The following PSMA8 variants were observed in gnomAD, a reference collection of about 807,000 sequenced individuals.
PSMA8 encodes proteasome 20S subunit alpha 8.
In PSMA8, 18 loss-of-function variants were observed where a neutral mutation model predicts 32.4. The observed-to-expected ratio is 0.56, with a 90% CI of 0.38 to 0.82. PSMA8 has a LOEUF of 0.82. Among genes scored for constraint, PSMA8 ranks in the 40% least tolerant of loss-of-function variants. The pLI is 0.00. For missense variants in PSMA8, 298 were observed against 300.7 expected (o/e 0.99, Z 0.07); for synonymous variants, 104 against 98.1 (o/e 1.06, Z -0.36).
intron 3 of PSMA8, 26 bp from the exon 4 acceptor site, chr18:26,158,096 T>A (rs2055104832): frequency 6.6e-7 from 1 of 1,505,092 alleles, no homozygotes; most frequent in South Asian, 1.2e-5. Flanking sequence ...ATAGTTTTAT[T>A]CTAAAAATAC....
At chr18:26,171,778 G>A (rs942333111) in intron 4 of PSMA8, among the ~76,000 whole-genome samples, 1 of 152,128 alleles carries the variant, frequency 6.6e-6, no homozygotes, top group African/African-American at 2.4e-5. Flanking sequence ...TATTGGGTCT[G>A]GAATTTGATT....
At chr18:26,157,446 G>C (rs1032896397) in intron 3 of PSMA8, among the ~76,000 whole-genome samples, 2 of 151,534 alleles carry the variant, frequency 1.3e-5, no homozygotes, top group Non-Finnish European at 2.9e-5. Context: ...TTCTTTGCAC[G>C]ACTTTTGGGG....
intron 3 of PSMA8, among the ~76,000 whole-genome samples, chr18:26,157,637 G>T (rs1024343109): frequency 1.3e-5 from 2 of 151,990 alleles, no homozygotes; most frequent in African/African-American, 4.8e-5. Context: ...GTTTTACTTG[G>T]GTTTTTAATT....
chr18:26,191,525 C>T (rs2055402396), intron 6 of PSMA8, among the ~76,000 whole-genome samples: 1 of 151,848 alleles, frequency 6.6e-6, no homozygotes, highest in South Asian at 2.1e-4. Flanking sequence ...GTAGCACACA[C>T]CTGTAGTCCC....
chr18:26,189,977 GA>G (rs1387701613), intron 6 of PSMA8, among the ~76,000 whole-genome samples: 1 of 152,152 alleles, frequency 6.6e-6, no homozygotes, highest in African/African-American at 2.4e-5. Context: ...AAAAAATAAT[GA>G]GATACTGTCA....
At position 26,152,002 on chromosome 18, in the gene PSMA8, T is replaced by C. The variant is rs368906472; in HGVS notation, c.354+20T>C. On this transcript the variant is annotated intron_variant, in intron 3 of 6. Coordinates refer to ENST00000415576, the MANE Select transcript of PSMA8 (RefSeq NM_001025096.2). ...AAGCAGGTAAGCTAATATTCTAACA[T>C]ACTTTGTTAAGCTTTCTCCTTTTTC... The C allele has an allele frequency of 1.4e-5, 22 of 1,581,186 alleles. No homozygotes were observed. The highest frequency in any genetic ancestry group is 1.9e-5 in the Non-Finnish European group (22 of 1,167,342).
At chr18:26,137,610 T>G (rs2054923241) in intron 1 of PSMA8, among the ~76,000 whole-genome samples, 1 of 152,242 alleles carries the variant, frequency 6.6e-6, no homozygotes, top group South Asian at 2.1e-4. Context: ...TTTTTTTAAA[T>G]TTTGTCTGTG....
intron 1 of PSMA8, among the ~76,000 whole-genome samples, chr18:26,142,461 A>G (rs1053364529): frequency 1.3e-5 from 2 of 152,168 alleles, no homozygotes; most frequent in Non-Finnish European, 2.9e-5. Flanking sequence ...TTCCTCTAAA[A>G]AAGAGGAGAG....
At chr18:26,188,085 A>G (rs1189729021) in intron 6 of PSMA8, among the ~76,000 whole-genome samples, 2 of 152,110 alleles carry the variant, frequency 1.3e-5, no homozygotes, top group African/African-American at 4.8e-5. Context: ...ATCAAGCATC[A>G]TCTCTGACCA....
intron 4 of PSMA8, among the ~76,000 whole-genome samples, chr18:26,177,363 C>T (rs1003552991): frequency 5.3e-5 from 8 of 152,142 alleles, no homozygotes; most frequent in Admixed American, 4.6e-4. Context: ...AAAATGTGAA[C>T]AGTGATGATA....
intron 2 of PSMA8, among the ~76,000 whole-genome samples, chr18:26,146,097 G>A (rs545165075): frequency 2.0e-5 from 3 of 150,402 alleles, no homozygotes; most frequent in South Asian, 2.1e-4. Context: ...TTTCCCTCAC[G>A]GCTAATAATT....
At chr18:26,149,732 A>G (rs2055030508) in intron 2 of PSMA8, among the ~76,000 whole-genome samples, 1 of 152,228 alleles carries the variant, frequency 6.6e-6, no homozygotes, top group Non-Finnish European at 1.5e-5. Context: ...GAATATTCAC[A>G]TAAAAAGAAT....
chr18:26,137,382 C>A (rs775545749), intron 1 of PSMA8, among the ~76,000 whole-genome samples: 2 of 152,054 alleles, frequency 1.3e-5, no homozygotes, highest in East Asian at 3.9e-4. Flanking sequence ...TTGCTTGAAC[C>A]GAGGAAGCAG....
chr18:26,165,017 A>T (rs575712943), intron 4 of PSMA8, among the ~76,000 whole-genome samples: 1 of 152,206 alleles, frequency 6.6e-6, no homozygotes, highest in Non-Finnish European at 1.5e-5. Flanking sequence ...TCCCAGGTTC[A>T]AGCGATTCTT....
At chr18:26,153,212 T>C (rs1292797252) in intron 3 of PSMA8, among the ~76,000 whole-genome samples, 1 of 152,224 alleles carries the variant, frequency 6.6e-6, no homozygotes, top group Non-Finnish European at 1.5e-5. Context: ...CTAGTTGCTA[T>C]GTCATAATTT....
At chr18:26,165,707 G>A (rs2055173335) in intron 4 of PSMA8, among the ~76,000 whole-genome samples, 1 of 152,112 alleles carries the variant, frequency 6.6e-6, no homozygotes, top group African/African-American at 2.4e-5. Flanking sequence ...TTAGAGATTA[G>A]AGAAAGATAA....
intron 4 of PSMA8, among the ~76,000 whole-genome samples, chr18:26,178,273 A>G (rs935278875): frequency 6.6e-6 from 1 of 152,134 alleles, no homozygotes; most frequent in Admixed American, 6.5e-5. Context: ...GAGACATTAT[A>G]TTAATAGAAA....
intron 6 of PSMA8, among the ~76,000 whole-genome samples, chr18:26,180,593 A>C (rs2055302725): frequency 6.6e-6 from 1 of 152,076 alleles, no homozygotes; most frequent in Non-Finnish European, 1.5e-5. Context: ...CCCTGCTGCT[A>C]AGAGCCCAGG....
At chr18:26,153,574 G>A (rs1443731024) in intron 3 of PSMA8, among the ~76,000 whole-genome samples, 1 of 152,080 alleles carries the variant, frequency 6.6e-6, no homozygotes, top group African/African-American at 2.4e-5. Context: ...CTTATAATTA[G>A]TGATGAGGTT....
Sources: allele counts gnomAD v4.1 joint callset (sites outside exome capture counted in the v4.1 genomes callset), GRCh38; gene constraint gnomAD v4.1.1; transcripts MANE v1.5; gene names NCBI Gene and HGNC (gene_info 2026-07-23, HGNC 2026-07-21).